Variants in AFF2 observed in about 807,000 individuals in gnomAD.
AFF2 encodes ALF transcription elongation factor 2.
A neutral mutation model predicts 76.9 loss-of-function variants in AFF2; 14 were observed. The ratio of observed to expected loss-of-function variants is 0.18; its 90% confidence interval spans 0.12 to 0.28. The LOEUF is 0.28. AFF2 is among the 10% of genes least tolerant of loss of function. The pLI is 1.00. For missense variants in AFF2, 868 were observed against 1,001.1 expected (o/e 0.87, Z 1.79); for synonymous variants, 398 against 366.7 (o/e 1.09, Z -0.98).
intron 3 of AFF2, among the ~76,000 whole-genome samples, chrX:148,804,401 A>G (rs2070100435): frequency 8.9e-6 from 1 of 112,216 alleles, no homozygotes; most frequent in African/African-American, 3.2e-5. Flanking sequence ...CATTTGCTCA[A>G]AGAAATAAAA....
intron 3 of AFF2, among the ~76,000 whole-genome samples, chrX:148,694,677 CATTTA>C (rs1464567163): frequency 9.0e-6 from 1 of 111,428 alleles, no homozygotes; most frequent in Non-Finnish European, 1.9e-5. Context: ...CTGCTAATGT[CATTTA>C]ATTTAATGAG....
At chrX:148,711,188 T>G (rs1557262875) in intron 3 of AFF2, among the ~76,000 whole-genome samples, 1 of 111,890 alleles carries the variant, frequency 8.9e-6, no homozygotes, top group Non-Finnish European at 1.9e-5. Context: ...TAAAAATTTT[T>G]CTAATGGAGA....
At chrX:148,633,734 C>G (rs180976657) in intron 1 of AFF2, among the ~76,000 whole-genome samples, 42 of 112,684 alleles carry the variant, frequency 3.7e-4, no homozygotes, top group Non-Finnish European at 6.2e-4. Flanking sequence ...AGCCTTTTCA[C>G]ATAGACTGGA....
chrX:148,562,322 A>C (rs189770452), intron 1 of AFF2, among the ~76,000 whole-genome samples: 98 of 112,150 alleles, frequency 8.7e-4, no homozygotes, highest in Middle Eastern at 4.6e-3. Flanking sequence ...AGTAAAAGTC[A>C]TGCAACACCA....
chrX:148,909,252 C>A (rs1557281775), intron 9 of AFF2, among the ~76,000 whole-genome samples: 2 of 112,058 alleles, frequency 1.8e-5, no homozygotes, highest in Non-Finnish European at 3.8e-5. Context: ...GCCTCAGAAA[C>A]AAATGAACAC....
chrX:148,521,830 ACT>A (rs1283358850), intron 1 of AFF2, among the ~76,000 whole-genome samples: 1 of 111,452 alleles, frequency 9.0e-6, no homozygotes, highest in African/African-American at 3.3e-5. Flanking sequence ...CACATCTGAG[ACT>A]CTCTTGCACT....
chrX:148,821,719 A>G (rs2124650866), intron 4 of AFF2, among the ~76,000 whole-genome samples: 1 of 111,019 alleles, frequency 9.0e-6, no homozygotes, highest in Admixed American at 9.6e-5. Context: ...AGCAATTTTT[A>G]TATATCTACA....
chrX:148,866,876 A>G (rs1557276892), intron 7 of AFF2, among the ~76,000 whole-genome samples: 1 of 112,315 alleles, frequency 8.9e-6, no homozygotes, highest in Non-Finnish European at 1.9e-5. Context: ...ACATTGCTGA[A>G]GAGCTGGAGA....
intron 3 of AFF2, among the ~76,000 whole-genome samples, chrX:148,793,834 G>A (rs868982719): frequency 3.6e-5 from 4 of 111,676 alleles, no homozygotes; most frequent in Non-Finnish European, 7.5e-5. Context: ...GAAGGCTGGA[G>A]TATATAATCC....
Position 148,670,603 on chromosome X carries a change from G to C in AFF2, c.1041+7835G>C, listed in dbSNP as rs1557258973. On this transcript the variant is annotated intron_variant, in intron 3 of 20. Transcript: ENST00000370460. ...GAATTTGTAGGCAATGTGGCAACCA[G>C]AGTGTAATGCTGAACTTGGCACGTT... Among the ~76,000 whole-genome samples the C allele has an allele frequency of 5.4e-5, 6 of 111,730 alleles. No homozygotes were observed. The South Asian group carries it at 2.3e-3, about 42-fold the overall frequency.
At chrX:148,864,894 C>T (rs1444148046) in intron 7 of AFF2, among the ~76,000 whole-genome samples, 2 of 111,807 alleles carry the variant, frequency 1.8e-5, no homozygotes, top group African/African-American at 6.5e-5. Flanking sequence ...ATTGTATAAA[C>T]GTTGATGAAA....
At chrX:148,704,483 T>G (rs1177228461) in intron 3 of AFF2, among the ~76,000 whole-genome samples, 4 of 97,007 alleles carry the variant, frequency 4.1e-5, no homozygotes, top group Non-Finnish European at 6.1e-5. Flanking sequence ...TATATGTGTA[T>G]ATATATATTT....
intron 4 of AFF2, among the ~76,000 whole-genome samples, chrX:148,816,183 A>T (rs2070262722): frequency 8.9e-6 from 1 of 111,919 alleles, no homozygotes; most frequent in African/African-American, 3.2e-5. Context: ...AAGTAATGCA[A>T]GGAAGTTAAC....
At chrX:148,570,454 G>A (rs782127076) in intron 1 of AFF2, among the ~76,000 whole-genome samples, 8 of 111,873 alleles carry the variant, frequency 7.2e-5, no homozygotes, top group Non-Finnish European at 1.3e-4. Flanking sequence ...GAAGAAATGT[G>A]GAATGTGTAC....
intron 1 of AFF2, among the ~76,000 whole-genome samples, chrX:148,586,614 G>T (rs782677794): frequency 1.8e-5 from 2 of 111,980 alleles, no homozygotes; most frequent in African/African-American, 6.5e-5. Flanking sequence ...TTGAGACAAA[G>T]AATTCTTCAA....
At chrX:148,701,056 T>C (rs1416276363) in intron 3 of AFF2, among the ~76,000 whole-genome samples, 1 of 76,909 alleles carries the variant, frequency 1.3e-5, no homozygotes, top group Admixed American at 1.5e-4. Flanking sequence ...GTGTGTGTTT[T>C]GTGCCCATGT....
chrX:148,988,785 G>T (rs1459799540), intron 20 of AFF2, among the ~76,000 whole-genome samples: 6 of 111,941 alleles, frequency 5.4e-5, no homozygotes, highest in African/African-American at 1.9e-4. Context: ...GCATGTATTG[G>T]TTCCACAGGT....
intron 2 of AFF2, among the ~76,000 whole-genome samples, chrX:148,657,649 A>T (rs1276078119): frequency 8.9e-6 from 1 of 112,288 alleles, no homozygotes; most frequent in Non-Finnish European, 1.9e-5. Flanking sequence ...ATGCCTGAAA[A>T]TACTTGGAAA....
intron 3 of AFF2, among the ~76,000 whole-genome samples, chrX:148,707,641 C>G (rs782057428): frequency 2.7e-5 from 3 of 110,066 alleles, no homozygotes; most frequent in Non-Finnish European, 5.7e-5. Context: ...TTATCATCAT[C>G]CCAATTTTAT....
Sources: gnomAD v4.1 joint callset for allele counts (sites outside exome capture counted in the v4.1 genomes callset) on GRCh38, gnomAD v4.1.1 for gene constraint, MANE v1.5 for transcripts, NCBI Gene and HGNC (gene_info 2026-07-23, HGNC 2026-07-21) for gene names.